Variants in FBXL7 observed in about 807,000 individuals in gnomAD.
The protein encoded by FBXL7 is F-box/LRR-repeat protein 7.
FBXL7 carries 12 observed loss-of-function variants against 38.3 expected under a neutral mutation model. The observed-to-expected ratio is 0.31, with a 90% CI of 0.20 to 0.51. FBXL7 has a LOEUF of 0.51. Ranked by LOEUF, FBXL7 falls within the 20% of genes least tolerant of loss-of-function variation. FBXL7 has a pLI of 0.98. For synonymous variants in FBXL7, 297 were observed against 300.9 expected, an observed-to-expected ratio of 0.99 and a Z score of 0.13; for missense variants, 567 against 676.4, an observed-to-expected ratio of 0.84 and a Z score of 1.79.
intron 2 of FBXL7, among the ~76,000 whole-genome samples, chr5:15,857,533 T>C (rs1276441589): frequency 1.3e-5 from 2 of 152,220 alleles, no homozygotes; most frequent in African/African-American, 4.8e-5. Flanking sequence ...TTACTTATTT[T>C]CTATAAAGTA....
chr5:15,509,785 C>T (rs1321736330), intron 1 of FBXL7, among the ~76,000 whole-genome samples: 1 of 152,168 alleles, frequency 6.6e-6, no homozygotes, highest in Non-Finnish European at 1.5e-5. Context: ...AAGTGAGGAC[C>T]ATGGTATGCT....
chr5:15,772,281 G>T (rs2126711933), intron 2 of FBXL7, among the ~76,000 whole-genome samples: 1 of 152,282 alleles, frequency 6.6e-6, no homozygotes, highest in South Asian at 2.1e-4. Flanking sequence ...CAGTTTACAG[G>T]TGCTCGCATC....
intron 2 of FBXL7, among the ~76,000 whole-genome samples, chr5:15,716,275 G>A (rs1015635366): frequency 2.0e-5 from 3 of 152,182 alleles, no homozygotes; most frequent in African/African-American, 2.4e-5. Context: ...CAAAGAAATC[G>A]CTGTATGTAT....
intron 1 of FBXL7, among the ~76,000 whole-genome samples, chr5:15,575,754 T>C (rs1738938318): frequency 6.6e-6 from 1 of 152,256 alleles, no homozygotes; most frequent in Non-Finnish European, 1.5e-5. Flanking sequence ...ATGAAATGTA[T>C]TAAGTGTGTG....
intron 2 of FBXL7, among the ~76,000 whole-genome samples, chr5:15,856,642 G>T (rs746167790): frequency 1.3e-5 from 2 of 151,882 alleles, no homozygotes; most frequent in Non-Finnish European, 2.9e-5. Context: ...ACTGTTAATT[G>T]TCTGGCACAT....
At chr5:15,597,177 G>A (rs778145335) in intron 1 of FBXL7, among the ~76,000 whole-genome samples, 44 of 152,244 alleles carry the variant, frequency 2.9e-4, no homozygotes, top group Non-Finnish European at 5.4e-4. Flanking sequence ...TACCCAGCTG[G>A]AGAATCTGCT....
At chr5:15,610,546 T>C (rs568717251) in intron 1 of FBXL7, among the ~76,000 whole-genome samples, 1 of 152,300 alleles carries the variant, frequency 6.6e-6, no homozygotes, top group South Asian at 2.1e-4. Context: ...CCTTGTTTTT[T>C]CCCTCTGAAT....
intron 1 of FBXL7, among the ~76,000 whole-genome samples, chr5:15,539,948 A>G (rs1414495796): frequency 6.6e-6 from 1 of 152,140 alleles, no homozygotes; most frequent in African/African-American, 2.4e-5. Context: ...TTATTTTATG[A>G]TAATGGCTTT....
At chr5:15,595,001 C>T (rs1739584731) in intron 1 of FBXL7, among the ~76,000 whole-genome samples, 1 of 152,118 alleles carries the variant, frequency 6.6e-6, no homozygotes. Flanking sequence ...GACCTTTTTG[C>T]TTTTGTTTCC....
At chr5:15,706,952 C>T (rs1743697636) in intron 2 of FBXL7, among the ~76,000 whole-genome samples, 1 of 151,870 alleles carries the variant, frequency 6.6e-6, no homozygotes, top group South Asian at 2.1e-4. Flanking sequence ...AGAAAAGGGC[C>T]TAACTAATGA....
chr5:15,788,648 G>T (rs78373042), intron 2 of FBXL7, among the ~76,000 whole-genome samples: 1 of 151,310 alleles, frequency 6.6e-6, no homozygotes, highest in Non-Finnish European at 1.5e-5. Context: ...CATTCTGTAC[G>T]TCACTCACTC....
chr5:15,685,959 A>G (rs929743354), intron 2 of FBXL7, among the ~76,000 whole-genome samples: 1 of 152,178 alleles, frequency 6.6e-6, no homozygotes, highest in Non-Finnish European at 1.5e-5. Context: ...GAGCAGATAC[A>G]CAAACATAGA....
In FBXL7 at chr5:15,936,080, C is replaced by G. The variant is rs533059666; in HGVS notation, c.740-370C>G. On this transcript the variant is annotated intron_variant, in intron 3 of 3. Coordinates refer to ENST00000504595, the MANE Select transcript of FBXL7 (RefSeq NM_012304.5). The surrounding 1 kb of genome is among the most constrained non-coding windows in gnomAD (Gnocchi z 6.0). ...AAGGCAAGATATTTACACACATCCT[C>G]TCATTACTCCATCCCAGCTGCCTCC... 4.6e-5 allele frequency among the ~76,000 whole-genome samples: 7 copies of G among 152,314 alleles called. No individual in the cohort carries two copies. In the East Asian group the frequency reaches 5.8e-4, roughly 13 times the overall value.
intron 2 of FBXL7, among the ~76,000 whole-genome samples, chr5:15,773,456 C>T (rs975282415): frequency 6.6e-6 from 1 of 151,992 alleles, no homozygotes; most frequent in African/African-American, 2.4e-5. Context: ...CCAGCCTGGG[C>T]AACATAGCAA....
chr5:15,717,230 G>C (rs1744068668), intron 2 of FBXL7, among the ~76,000 whole-genome samples: 1 of 152,122 alleles, frequency 6.6e-6, no homozygotes, highest in Admixed American at 6.5e-5. Flanking sequence ...GATCCAGAGA[G>C]GTGCGTTTGG....
chr5:15,667,554 T>C (rs912266742), intron 2 of FBXL7, among the ~76,000 whole-genome samples: 1 of 152,190 alleles, frequency 6.6e-6, no homozygotes, highest in Non-Finnish European at 1.5e-5. Flanking sequence ...TACCCGCCTA[T>C]TTTGATTCTG....
At chr5:15,665,457 G>A (rs1178268369) in intron 2 of FBXL7, among the ~76,000 whole-genome samples, 1 of 152,086 alleles carries the variant, frequency 6.6e-6, no homozygotes, top group African/African-American at 2.4e-5. Context: ...GTCTCTCCTT[G>A]GAATTCAGTT....
chr5:15,881,034 A>T (rs1033233972), intron 2 of FBXL7, among the ~76,000 whole-genome samples: 2 of 152,144 alleles, frequency 1.3e-5, no homozygotes, highest in African/African-American at 4.8e-5. Context: ...TTAAATTTTT[A>T]AAATATTTTA....
intron 2 of FBXL7, among the ~76,000 whole-genome samples, chr5:15,868,959 C>T (rs1016666150): frequency 2.0e-5 from 3 of 152,132 alleles, no homozygotes; most frequent in African/African-American, 4.8e-5. Flanking sequence ...TCAAACAATA[C>T]GTACTTACTC....
Sources: gnomAD v4.1 joint callset for allele counts (sites outside exome capture counted in the v4.1 genomes callset) on GRCh38, gnomAD v4.1.1 for gene constraint, Gnocchi (gnomAD v3.1) non-coding constraint, MANE v1.5 for transcripts, NCBI Gene and HGNC (gene_info 2026-07-23, HGNC 2026-07-21) for gene names.